The following RARB variants were observed in gnomAD, a reference collection of about 807,000 sequenced individuals.
The protein encoded by RARB is retinoic acid receptor beta.
RARB carries 17 observed loss-of-function variants against 51.9 expected under a neutral mutation model. That is an observed-to-expected ratio of 0.33 (90% CI 0.22 to 0.49). The LOEUF is 0.49. Among genes scored for constraint, RARB ranks in the 20% least tolerant of loss-of-function variants. The pLI is 0.99. For synonymous variants in RARB, 215 were observed against 195.4 expected (o/e 1.10, Z -0.84); for missense variants, 369 against 550.8 (o/e 0.67, Z 3.30).
intron 5 of RARB, among the ~76,000 whole-genome samples, chr3:25,277,230 G>A (rs980010143): frequency 2.2e-4 from 34 of 152,156 alleles, no homozygotes; most frequent in African/African-American, 7.7e-4. Flanking sequence ...GCGTTGTGGA[G>A]GCCAATATAG....
At chr3:25,106,423 G>A (rs1298386978) in intron 3 of RARB, among the ~76,000 whole-genome samples, 6 of 142,284 alleles carry the variant, frequency 4.2e-5, no homozygotes, top group Non-Finnish European at 6.0e-5. Flanking sequence ...TTACAGGCAT[G>A]TACCACCATG....
chr3:25,525,130 G>C lies in RARB; in HGVS notation c.448+23807G>C, dbSNP rs529209996. Among the ~76,000 whole-genome samples the C allele has an allele frequency of 5.9e-5, 9 of 152,300 alleles. No individual in the cohort carries two copies. In the South Asian group the frequency reaches 1.9e-3, roughly 32 times the overall value. ...TCAGTGTACCTCATAACATTATAAAGTGTTCTGACAAAGCTCTTCAAAAGT... is the reference window on the plus strand; with the variant it reads ...TCAGTGTACCTCATAACATTATAAACTGTTCTGACAAAGCTCTTCAAAAGT... On this transcript the variant is annotated intron_variant, in intron 3 of 7. Transcript: ENST00000330688.
intron 4 of RARB, among the ~76,000 whole-genome samples, chr3:25,150,631 A>G (rs146651458): frequency 2.1e-4 from 32 of 152,338 alleles, no homozygotes; most frequent in African/African-American, 7.7e-4. Flanking sequence ...ATAGAGTACA[A>G]TCATTTGAGA....
chr3:25,101,982 A>G (rs1699408776), intron 3 of RARB, among the ~76,000 whole-genome samples: 1 of 152,154 alleles, frequency 6.6e-6, no homozygotes, highest in South Asian at 2.1e-4. Context: ...TTTGAGAATG[A>G]TGTCTGTTGT....
chr3:24,877,067 T>C (rs1197470438), intron 2 of RARB, among the ~76,000 whole-genome samples: 1 of 152,290 alleles, frequency 6.6e-6, no homozygotes, highest in East Asian at 1.9e-4. Flanking sequence ...ATATTTTCTC[T>C]AATTTTTATT....
At chr3:25,108,575 C>G (rs1039128145) in intron 3 of RARB, among the ~76,000 whole-genome samples, 10 of 152,002 alleles carry the variant, frequency 6.6e-5, no homozygotes, top group South Asian at 4.2e-4. Context: ...GTCGCGTGGT[C>G]ACATCTAACT....
intron 2 of RARB, among the ~76,000 whole-genome samples, chr3:25,481,760 G>T (rs1321759877): frequency 6.6e-6 from 1 of 152,030 alleles, no homozygotes; most frequent in Non-Finnish European, 1.5e-5. Flanking sequence ...AGCTTTCTTT[G>T]CACCTTTTAC....
At chr3:24,905,097 G>T (rs535219969) in intron 2 of RARB, among the ~76,000 whole-genome samples, 265 of 152,158 alleles carry the variant, frequency 1.7e-3, no homozygotes, top group African/African-American at 6.1e-3. Flanking sequence ...TAACAAACCT[G>T]CACGTTCTGC....
intron 5 of RARB, among the ~76,000 whole-genome samples, chr3:25,252,373 A>G (rs1702746096): frequency 6.6e-6 from 1 of 152,078 alleles, no homozygotes. Context: ...CAGCTTGTCA[A>G]TTTCTGTAAA....
intron 5 of RARB, among the ~76,000 whole-genome samples, chr3:25,418,010 C>A (rs1003916036): frequency 6.6e-6 from 1 of 152,150 alleles, no homozygotes; most frequent in African/African-American, 2.4e-5. Context: ...TAGAGTTCTG[C>A]AGTATTCCAC....
chr3:25,214,014 A>T (rs1191379096), intron 5 of RARB, among the ~76,000 whole-genome samples: 1 of 152,196 alleles, frequency 6.6e-6, no homozygotes, highest in Non-Finnish European at 1.5e-5. Context: ...AGAGATGCCA[A>T]CTCACCAAAG....
At chr3:25,424,481 CA>C (rs1384533536), upstream of RARB, among the ~76,000 whole-genome samples, 1 of 152,200 alleles carries the variant, frequency 6.6e-6, no homozygotes, top group Non-Finnish European at 1.5e-5. Context: ...TGCTGGAACA[CA>C]CAAGTCACTC....
intron 4 of RARB, among the ~76,000 whole-genome samples, chr3:25,146,002 T>C (rs1231166691): frequency 3.4e-5 from 5 of 146,472 alleles, no homozygotes; most frequent in Admixed American, 3.4e-4. Context: ...AAACTTCATC[T>C]AAAAAAAAAA....
At chr3:25,144,867 T>C (rs2125338553) in intron 4 of RARB, among the ~76,000 whole-genome samples, 1 of 152,282 alleles carries the variant, frequency 6.6e-6, no homozygotes, top group East Asian at 1.9e-4. Flanking sequence ...TGAATTTTGG[T>C]GGAGTGGTGT....
intron 1 of RARB, among the ~76,000 whole-genome samples, chr3:25,448,156 G>T (rs1385641095): frequency 6.6e-6 from 1 of 151,818 alleles, no homozygotes; most frequent in African/African-American, 2.4e-5. Context: ...ATCCAGGAAG[G>T]CCGACTCCCG....
At chr3:25,447,426 G>A (rs1708997300) in intron 1 of RARB, among the ~76,000 whole-genome samples, 1 of 152,154 alleles carries the variant, frequency 6.6e-6, no homozygotes, top group Non-Finnish European at 1.5e-5. Flanking sequence ...CTGTTTGCGT[G>A]GGCAGGAGAT....
At chr3:25,397,376 G>C (rs913423128) in intron 5 of RARB, among the ~76,000 whole-genome samples, 3 of 152,186 alleles carry the variant, frequency 2.0e-5, no homozygotes, top group African/African-American at 7.2e-5. Flanking sequence ...TGGGCACTCA[G>C]AGTTTTTCGG....
chr3:25,522,216 A>G (rs952427296), intron 3 of RARB, among the ~76,000 whole-genome samples: 2 of 152,082 alleles, frequency 1.3e-5, no homozygotes, highest in African/African-American at 4.8e-5. Flanking sequence ...TCCACTTTAC[A>G]TTTTCTAAGG....
chr3:25,485,466 T>C (rs981376649), intron 2 of RARB, among the ~76,000 whole-genome samples: 2 of 152,182 alleles, frequency 1.3e-5, no homozygotes, highest in Non-Finnish European at 2.9e-5. Context: ...CCACTCATAT[T>C]AGGTTTAAAG....
Sources: allele counts gnomAD v4.1 joint callset (sites outside exome capture counted in the v4.1 genomes callset), GRCh38; gene constraint gnomAD v4.1.1; transcripts MANE v1.5; gene names NCBI Gene and HGNC (gene_info 2026-07-23, HGNC 2026-07-21).